The following RRP1B variants were observed in gnomAD, a reference collection of about 807,000 sequenced individuals.
RRP1B encodes ribosomal RNA processing protein 1 homolog B.
Under a neutral mutation model 80.2 loss-of-function variants are expected in RRP1B, and 56 were observed. The observed-to-expected ratio is 0.70, with a 90% CI of 0.56 to 0.87. RRP1B has a LOEUF of 0.87. RRP1B is among the 40% of genes least tolerant of loss of function. The pLI, the probability that RRP1B is intolerant of heterozygous loss-of-function variation, is 0.00. For missense variants in RRP1B, 807 were observed against 939.8 expected (o/e 0.86, Z 1.85); for synonymous variants, 351 against 357.6 (o/e 0.98, Z 0.21).
chr21:43,672,951 A>T (rs1000081028), intron 3 of RRP1B, among the ~76,000 whole-genome samples: 1 of 152,246 alleles, frequency 6.6e-6, no homozygotes, highest in Non-Finnish European at 1.5e-5. Flanking sequence ...CATATGATGT[A>T]TAATAGATTT....
chr21:43,666,699 C>CA (rs2082979439), intron 1 of RRP1B, among the ~76,000 whole-genome samples: 1 of 136,118 alleles, frequency 7.3e-6, no homozygotes, highest in African/African-American at 2.8e-5. Context: ...GCCTGGGCGA[C>CA]AGAGTGAAAC....
At chr21:43,679,313 G>A (rs1414591369) in intron 8 of RRP1B, among the ~76,000 whole-genome samples, 1 of 151,698 alleles carries the variant, frequency 6.6e-6, no homozygotes, top group Non-Finnish European at 1.5e-5. Context: ...CTGTCGCCCA[G>A]GCTGGAGTGC....
intron 1 of RRP1B, among the ~76,000 whole-genome samples, chr21:43,667,289 C>T (rs180818506): frequency 4.3e-4 from 65 of 152,196 alleles, no homozygotes; most frequent in Non-Finnish European, 7.9e-4. Flanking sequence ...TGCAGTGGCA[C>T]GATTATAGCT....
intron 11 of RRP1B, chr21:43,686,045 C>T (rs190645242): frequency 3.7e-4 from 123 of 331,524 alleles, no homozygotes; most frequent in African/African-American, 2.5e-3. Context: ...CGCTTGAGCC[C>T]AGGAGGTCCA....
intron 3 of RRP1B, among the ~76,000 whole-genome samples, chr21:43,673,271 T>A (rs2083007093): frequency 6.6e-6 from 1 of 152,184 alleles, no homozygotes; most frequent in Non-Finnish European, 1.5e-5. Flanking sequence ...GGAAAAATGC[T>A]CCAGAGAGCG....
intron 1 of RRP1B, among the ~76,000 whole-genome samples, chr21:43,667,876 C>G (rs2082984536): frequency 6.6e-6 from 1 of 152,194 alleles, no homozygotes; most frequent in Non-Finnish European, 1.5e-5. Flanking sequence ...ATGTTAGTTC[C>G]TGATATCCTG....
chr21:43,680,867 G>GT (rs1408037115), intron 8 of RRP1B, among the ~76,000 whole-genome samples: 1 of 152,148 alleles, frequency 6.6e-6, no homozygotes, highest in Non-Finnish European at 1.5e-5. Context: ...ATAGTTAGCT[G>GT]TAGGTGGCAG....
chr21:43,664,540 T>C (rs1485529044), intron 1 of RRP1B, among the ~76,000 whole-genome samples: 1 of 152,210 alleles, frequency 6.6e-6, no homozygotes, highest in Non-Finnish European at 1.5e-5. Context: ...GTTGACAGTT[T>C]TCTGATACTG....
chr21:43,662,099 C>T (rs1209956485), intron 1 of RRP1B, among the ~76,000 whole-genome samples: 1 of 152,210 alleles, frequency 6.6e-6, no homozygotes, highest in Non-Finnish European at 1.5e-5. Flanking sequence ...TACATGCAAC[C>T]GTAAAAGGTC....
chr21:43,667,860 A>G (rs1229655018), intron 1 of RRP1B, among the ~76,000 whole-genome samples: 1 of 152,212 alleles, frequency 6.6e-6, no homozygotes, highest in Non-Finnish European at 1.5e-5. Flanking sequence ...TTAATAAACT[A>G]GTTTTATGTT....
At chr21:43,664,821 C>T (rs570103254) in intron 1 of RRP1B, among the ~76,000 whole-genome samples, 22 of 152,292 alleles carry the variant, frequency 1.4e-4, no homozygotes, top group Non-Finnish European at 2.6e-4. Flanking sequence ...GGCAGGCAAG[C>T]GGGTATGTGC....
chr21:43,690,976 G>A (rs887039986), intron 14 of RRP1B, among the ~76,000 whole-genome samples: 2 of 152,210 alleles, frequency 1.3e-5, no homozygotes, highest in Admixed American at 6.5e-5. Context: ...CATAGGCATC[G>A]TCTCATCGAT....
rs775400760 is a variant in RRP1B, at chr21:43,676,740, C to T, written c.622C>T (p.Leu208=). ...KIAAKTKDHT[L]VQTIARGVFE... is the part of the protein sequence containing the mutation. ...CTGTGCTTCTACCCTCAGCCACACC[C>T]TGGTACAGACCATAGCTCGGGGTGT... The change falls in exon 8 of 16, where the codon CTG becomes TTG. Residue 208 remains leucine (L), a synonymous_variant. Transcript: ENST00000340648. The T allele has an allele frequency of 1.9e-6, 3 of 1,613,934 alleles. No individual in the cohort carries two copies. Among genetic ancestry groups the T allele is most frequent in the Non-Finnish European group, 1.7e-6 (2 of 1,179,962 alleles).
At chr21:43,677,009 G>A (rs2083025569) in intron 8 of RRP1B, 95 bp downstream of exon 8, 2 of 1,244,218 alleles carry the variant, frequency 1.6e-6, no homozygotes, top group Admixed American at 2.1e-5. Context: ...CTTACTGAAT[G>A]CAACCTAGAG....
rs200295440 is a variant in RRP1B, at chr21:43,676,351, T to C, written c.614+15T>C. On this transcript the variant is annotated intron_variant, in intron 7 of 15. Coordinates refer to ENST00000340648, the MANE Select transcript of RRP1B (RefSeq NM_015056.3). ...AAGACGAAGGAGTAAGTGATTCCCC[T>C]GTTCGTTCCTCCTGCTCCGTGGCAT... 6.9e-6 allele frequency: 11 copies of C among 1,595,700 alleles called. No individual in the cohort carries two copies. Among genetic ancestry groups the C allele is most frequent in the Non-Finnish European group, 9.4e-6 (11 of 1,164,352 alleles).
rs112695458 is a variant in RRP1B at position 43,685,345 on chromosome 21, G to A, written c.990-425G>A. On this transcript the variant is annotated intron_variant, in intron 10 of 15. Transcript: ENST00000340648. ...CATGCACCTCCCCACACTGCGCTTC[G>A]ATGCGTCTTGTTTGTTCTAATGCAC... Among the ~76,000 whole-genome samples the A allele has an allele frequency of 3.6e-3, 543 of 152,262 alleles. 3 individuals carry two copies. The Middle Eastern group carries it at 0.041, about 11-fold the overall frequency.
intron 2 of RRP1B, among the ~76,000 whole-genome samples, chr21:43,671,424 G>A (rs180893809): frequency 1.3e-5 from 2 of 151,320 alleles, no homozygotes; most frequent in East Asian, 3.9e-4. Context: ...GAAGTGCAGG[G>A]GTGCCATCAT....
chr21:43,682,445 TG>T (rs1216610852), intron 8 of RRP1B, among the ~76,000 whole-genome samples: 4 of 152,254 alleles, frequency 2.6e-5, no homozygotes, highest in Non-Finnish European at 5.9e-5. Context: ...CTTCATAGGC[TG>T]TAACACTCTG....
At chr21:43,689,882 C>T (rs574447845) in intron 13 of RRP1B, among the ~76,000 whole-genome samples, 298 of 152,390 alleles carry the variant, frequency 2.0e-3, no homozygotes, top group South Asian at 3.7e-3. Flanking sequence ...GTGTCCTGGG[C>T]CTGCCTGTGA....
Sources: allele counts gnomAD v4.1 joint callset (sites outside exome capture counted in the v4.1 genomes callset), GRCh38; gene constraint gnomAD v4.1.1; transcripts MANE v1.5; gene names NCBI Gene and HGNC (gene_info 2026-07-23, HGNC 2026-07-21).